The following ADAMTSL1 variants were observed in gnomAD, a reference collection of about 807,000 sequenced individuals.
The protein encoded by ADAMTSL1 is ADAMTS-like protein 1.
A neutral mutation model predicts 201.8 loss-of-function variants in ADAMTSL1; 126 were observed. The ratio of observed to expected loss-of-function variants is 0.62; its 90% CI spans 0.54 to 0.72. ADAMTSL1 has a LOEUF of 0.72. Among genes scored for constraint, ADAMTSL1 ranks in the 30% least tolerant of loss-of-function variants. The pLI, the probability that ADAMTSL1 is intolerant of heterozygous loss-of-function variation, is 0.00. For missense variants in ADAMTSL1, 2,679 were observed against 2,277.8 expected, an observed-to-expected ratio of 1.18 and a Z score of -3.59; for synonymous variants, 1,121 against 903.4, an observed-to-expected ratio of 1.24 and a Z score of -4.32.
chr9:18,564,955 C>T (rs1821782123), intron 3 of ADAMTSL1, among the ~76,000 whole-genome samples: 1 of 152,102 alleles, frequency 6.6e-6, no homozygotes, highest in Non-Finnish European at 1.5e-5. Flanking sequence ...CAAACGTCTG[C>T]ATTCTTCAAA....
intron 4 of ADAMTSL1, among the ~76,000 whole-genome samples, chr9:18,620,137 C>T (rs939906882): frequency 7.5e-5 from 11 of 147,640 alleles, no homozygotes; most frequent in African/African-American, 1.5e-4. Flanking sequence ...CCATTGTTAA[C>T]TCTGACTCTT....
chr9:18,502,984 C>A (rs1039449914), intron 1 of ADAMTSL1, among the ~76,000 whole-genome samples: 3 of 151,882 alleles, frequency 2.0e-5, no homozygotes, highest in East Asian at 1.9e-4. Flanking sequence ...ATTATTTAGG[C>A]CCTATGTACT....
chr9:18,602,532 T>TG (rs1331011348), intron 4 of ADAMTSL1, among the ~76,000 whole-genome samples: 1 of 152,166 alleles, frequency 6.6e-6, no homozygotes, highest in Non-Finnish European at 1.5e-5. Flanking sequence ...GTTCTGATTT[T>TG]GGGGGGACTT....
At chr9:18,320,651 C>A (rs1242473636) in intron 2 of ADAMTSL1, among the ~76,000 whole-genome samples, 2 of 152,018 alleles carry the variant, frequency 1.3e-5, no homozygotes, top group African/African-American at 4.8e-5. Context: ...TGCAAAATTC[C>A]AACATTACAT....
At chr9:18,289,873 G>A (rs536914470) in intron 2 of ADAMTSL1, among the ~76,000 whole-genome samples, 1 of 152,122 alleles carries the variant, frequency 6.6e-6, no homozygotes. Context: ...ATAATTCAAA[G>A]GAAAACAACA....
At position 18,719,989 on chromosome 9, in the gene ADAMTSL1, C is replaced by G. The variant is rs539916150; in HGVS notation, c.1877-1547C>G. Reference sequence around the variant, plus strand: ...TGGATAGTCCCAGACTCTACTATAACTATATATAAATGTCCAGCTATAGAT... The same window carrying G: ...TGGATAGTCCCAGACTCTACTATAAGTATATATAAATGTCCAGCTATAGAT... On this transcript the variant is annotated intron_variant, in intron 14 of 28. Transcript: ENST00000380548. Among the ~76,000 whole-genome samples, 4 of 152,276 alleles carry G rather than the reference C, an allele frequency of 2.6e-5. No homozygotes were observed. In the South Asian group the frequency reaches 8.3e-4, roughly 32 times the overall value.
intron 2 of ADAMTSL1, among the ~76,000 whole-genome samples, chr9:18,198,033 G>GCTGGGAAAA (rs1829264382): frequency 6.6e-6 from 1 of 152,164 alleles, no homozygotes; most frequent in Non-Finnish European, 1.5e-5. Context: ...AATGAATGGT[G>GCTGGGAAAA]CTGGGAAAAC....
rs74323110 is a variant in ADAMTSL1, at chr9:18,346,112, A to C, written c.208-158717A>C. On this transcript the variant is annotated intron_variant, in intron 2 of 29. Transcript: ENST00000680146. ...ACATCCATTAGCCTTCTGTTTCCTC[A>C]GGTTTTTATTTATTTGTTTAAATTT... Among the ~76,000 whole-genome samples, 610 of 152,214 alleles carry C rather than the reference A, an allele frequency of 4.0e-3. 5 individuals are homozygous for C. The highest frequency in any genetic ancestry group is 0.014 in the African/African-American group (581 of 41,530).
intron 2 of ADAMTSL1, among the ~76,000 whole-genome samples, chr9:18,306,013 C>T (rs1055999669): frequency 6.6e-6 from 1 of 152,174 alleles, no homozygotes; most frequent in African/African-American, 2.4e-5. Context: ...GAGGAAGGAA[C>T]AGGCAGCAAT....
chr9:18,151,558 C>G (rs1826914185), intron 1 of ADAMTSL1, among the ~76,000 whole-genome samples: 1 of 151,796 alleles, frequency 6.6e-6, no homozygotes, highest in South Asian at 2.1e-4. Flanking sequence ...CTTTGATGAA[C>G]TATATGTGCC....
intron 19 of ADAMTSL1, among the ~76,000 whole-genome samples, chr9:18,794,431 A>G (rs1189156869): frequency 1.3e-5 from 2 of 151,798 alleles, no homozygotes; most frequent in South Asian, 2.1e-4. Context: ...AACAAAAACA[A>G]AAAAAAACAA....
chr9:18,010,602 G>T (rs551115478), intron 1 of ADAMTSL1, among the ~76,000 whole-genome samples: 2 of 152,102 alleles, frequency 1.3e-5, no homozygotes, highest in East Asian at 3.9e-4. Context: ...AGTTAGAGAA[G>T]AGGAAACCCC....
chr9:18,551,546 ATT>A (rs34453171), intron 3 of ADAMTSL1, among the ~76,000 whole-genome samples: 44,742 of 143,734 alleles, frequency 0.31, 7,022 homozygotes, highest in Admixed American at 0.37. Flanking sequence ...TTACCGCTGA[ATT>A]TTTTTTTTTT....
intron 20 of ADAMTSL1, among the ~76,000 whole-genome samples, chr9:18,799,868 C>A (rs1384872656): frequency 1.3e-5 from 2 of 152,142 alleles, no homozygotes; most frequent in Non-Finnish European, 2.9e-5. Context: ...CTTCCTCTGT[C>A]CCTCCCCATC....
Position 18,678,813 on chromosome 9 carries a change from A to G in ADAMTSL1, c.1137-1499A>G, listed in dbSNP as rs148768363. On this transcript the variant is annotated intron_variant, in intron 10 of 28. Coordinates refer to ENST00000380548, the MANE Select transcript of ADAMTSL1 (RefSeq NM_001040272.6). ...ATCAGGCCTGATATTCATCTCCAGA[A>G]GGAAGCCCTCCAGAGATTTATGTGG... Among the ~76,000 whole-genome samples, 440 of 152,314 alleles carry G rather than the reference A, an allele frequency of 2.9e-3. 3 individuals carry two copies. The highest frequency in any genetic ancestry group is 0.01 in the African/African-American group (419 of 41,568).
chr9:18,882,065 T>C (rs187305243), intron 23 of ADAMTSL1, among the ~76,000 whole-genome samples: 1 of 152,334 alleles, frequency 6.6e-6, no homozygotes, highest in East Asian at 1.9e-4. Flanking sequence ...ATTCCTCTTA[T>C]TTAGCTGACT....
At chr9:18,453,814 A>G (rs1446305109) in intron 2 of ADAMTSL1, among the ~76,000 whole-genome samples, 2 of 152,206 alleles carry the variant, frequency 1.3e-5, no homozygotes, top group African/African-American at 2.4e-5. Flanking sequence ...TCCATGAACT[A>G]TCAGTGCTCT....
At chr9:18,629,021 G>T (rs1826571102) in intron 5 of ADAMTSL1, among the ~76,000 whole-genome samples, 1 of 152,102 alleles carries the variant, frequency 6.6e-6, no homozygotes, top group African/African-American at 2.4e-5. Flanking sequence ...TACTGCGCTT[G>T]GCTTGGCATT....
At position 18,582,843 on chromosome 9, in the gene ADAMTSL1, C is replaced by T. The variant is rs139587497; in HGVS notation, c.474+8577C>T. On this transcript the variant is annotated intron_variant, in intron 4 of 28. Coordinates refer to ENST00000380548, the MANE Select transcript of ADAMTSL1 (RefSeq NM_001040272.6). ...CAGCCTGGGCGACACAACGAGACTC[C>T]ATCTCAAAATAAAATAAAATAAATA... 8.3e-3 allele frequency among the ~76,000 whole-genome samples: 1,226 copies of T among 148,216 alleles called. 29 individuals are homozygous for T. The East Asian group carries it at 0.095, about 12-fold the overall frequency.
Sources: gnomAD v4.1 joint callset for allele counts (sites outside exome capture counted in the v4.1 genomes callset) on GRCh38, gnomAD v4.1.1 for gene constraint, MANE v1.5 for transcripts, NCBI Gene and HGNC (gene_info 2026-07-23, HGNC 2026-07-21) for gene names.